Variants in LRP1B observed in about 807,000 individuals in gnomAD.
The protein encoded by LRP1B is low-density lipoprotein receptor-related protein 1B.
Under a neutral mutation model 556.6 loss-of-function variants are expected in LRP1B, and 217 were observed. The ratio of observed to expected loss-of-function variants is 0.39; its 90% CI spans 0.35 to 0.44. The LOEUF (loss-of-function observed/expected upper bound fraction) is 0.44, where lower values mean the gene tolerates loss of function less well. Among genes scored for constraint, LRP1B ranks in the 20% least tolerant of loss-of-function variants. LRP1B has a pLI of 1.00. For synonymous variants in LRP1B, 2,047 were observed against 1,865.8 expected (o/e 1.10, Z -2.50); for missense variants, 5,053 against 5,620.8 (o/e 0.90, Z 3.23).
intron 20 of LRP1B, among the ~76,000 whole-genome samples, chr2:140,933,574 G>A (rs1695117049): frequency 6.6e-6 from 1 of 151,952 alleles, no homozygotes; most frequent in South Asian, 2.1e-4. Context: ...ACAGGGTGAG[G>A]TTCTTCATTA....
At chr2:141,507,192 A>T (rs578047504) in intron 2 of LRP1B, among the ~76,000 whole-genome samples, 1 of 152,292 alleles carries the variant, frequency 6.6e-6, no homozygotes, top group South Asian at 2.1e-4. Flanking sequence ...TTTGAAAATA[A>T]GATAGGACTC....
chr2:141,980,575 A>G lies in LRP1B; in HGVS notation c.82+150073T>C, dbSNP rs566396658. Among the ~76,000 whole-genome samples the G allele has an allele frequency of 2.4e-3, 371 of 152,298 alleles. 2 individuals carry two copies. The highest frequency in any genetic ancestry group is 6.8e-3 in the Middle Eastern group (2 of 294). On this transcript the variant is annotated intron_variant, in intron 1 of 90. Coordinates refer to ENST00000389484, the MANE Select transcript of LRP1B (RefSeq NM_018557.3). ...TGGAAAGATGGTTGTAAAAATAATT[A>G]GAAAGCAAATGGGAATTATGAAATT... is the stretch of plus-strand genomic sequence containing the variant.
intron 3 of LRP1B, among the ~76,000 whole-genome samples, chr2:141,293,520 G>A (rs1005455634): frequency 6.6e-6 from 1 of 151,996 alleles, no homozygotes; most frequent in Non-Finnish European, 1.5e-5. Flanking sequence ...CAATGGCAAT[G>A]TATAGTTATC....
chr2:140,326,141 T>C (rs1422860096), intron 79 of LRP1B, among the ~76,000 whole-genome samples: 1 of 152,138 alleles, frequency 6.6e-6, no homozygotes, highest in Non-Finnish European at 1.5e-5. Flanking sequence ...GTCCTAAATA[T>C]CCCTTCTAGC....
At chr2:141,713,087 A>AT (rs397870971) in intron 2 of LRP1B, among the ~76,000 whole-genome samples, 27,807 of 142,544 alleles carry the variant, frequency 0.2, 2,757 homozygotes, top group South Asian at 0.26. Context: ...AAATAATTTC[A>AT]TTTTTTTTTT....
intron 5 of LRP1B, among the ~76,000 whole-genome samples, chr2:141,235,085 T>A (rs62172881): frequency 0.063 from 9,634 of 152,176 alleles, 408 homozygotes; most frequent in South Asian, 0.11. Context: ...TCACATTTTA[T>A]TATAGAAATA....
rs201990088 is a variant in LRP1B at position 141,947,822 on chromosome 2, A to AT, written c.83-137422_83-137421insA. 4.0e-3 allele frequency among the ~76,000 whole-genome samples: 477 copies of AT among 119,584 alleles called. 4 individuals are homozygous for AT. Among genetic ancestry groups the AT allele is most frequent in the Non-Finnish European group, 6.2e-3 (346 of 55,690 alleles). 78.5% of individuals were successfully genotyped at this position (119,584 alleles called of 152,430 possible). ...AATTTTTTTTTAAATATCAGAAAAA[A>AT]AAAACAACAATACTGAAAGGATGTT... On this transcript the variant is annotated intron_variant, in intron 1 of 90. Transcript: ENST00000389484.
At chr2:142,049,725 G>A (rs1360278720) in intron 1 of LRP1B, among the ~76,000 whole-genome samples, 1 of 152,098 alleles carries the variant, frequency 6.6e-6, no homozygotes, top group East Asian at 1.9e-4. Flanking sequence ...GTATTTGAAA[G>A]AGTGGCAGAT....
At chr2:141,474,862 G>C (rs1191261702) in intron 3 of LRP1B, among the ~76,000 whole-genome samples, 1 of 152,082 alleles carries the variant, frequency 6.6e-6, no homozygotes, top group African/African-American at 2.4e-5. Flanking sequence ...TCTCCAATCA[G>C]TTTTAGTAAA....
chr2:141,059,169 G>T, intron 8 of LRP1B, 115 bp from the exon 9 acceptor site: 2 of 631,330 alleles, frequency 3.2e-6, no homozygotes, highest in Non-Finnish European at 2.5e-6. Flanking sequence ...GAACCGCAAG[G>T]ATGTTATTTA....
chr2:140,396,184 G>T (rs1003662300), intron 66 of LRP1B, among the ~76,000 whole-genome samples: 4 of 152,134 alleles, frequency 2.6e-5, no homozygotes, highest in Non-Finnish European at 4.4e-5. Context: ...TACAGATTCT[G>T]GTAGAATATT....
intron 14 of LRP1B, among the ~76,000 whole-genome samples, chr2:141,011,071 C>CAGAGAGAGAGAGAGAGAG (rs143409764): frequency 9.8e-5 from 14 of 142,792 alleles, no homozygotes; most frequent in African/African-American, 2.6e-4. Flanking sequence ...TGTATTCTCT[C>CAGAGAGAGAGAGAGAGAG]AGAGAGAGAG....
intron 31 of LRP1B, among the ~76,000 whole-genome samples, chr2:140,818,062 T>C (rs1426301151): frequency 6.6e-5 from 10 of 152,174 alleles, no homozygotes; most frequent in Admixed American, 6.5e-4. Flanking sequence ...GTGTTAAACA[T>C]TGCATATTTT....
chr2:140,573,811 G>T (rs1367851574), intron 43 of LRP1B, among the ~76,000 whole-genome samples: 1 of 151,974 alleles, frequency 6.6e-6, no homozygotes, highest in East Asian at 1.9e-4. Context: ...TTCCACTCCT[G>T]TGATTTTTCA....
At chr2:142,082,706 A>C (rs1242267367) in intron 1 of LRP1B, among the ~76,000 whole-genome samples, 3 of 152,234 alleles carry the variant, frequency 2.0e-5, no homozygotes, top group African/African-American at 7.2e-5. Context: ...TATTAAACAG[A>C]ATAGTCAGGT....
chr2:140,801,748 C>T (rs750814585), intron 32 of LRP1B, among the ~76,000 whole-genome samples: 3 of 152,090 alleles, frequency 2.0e-5, no homozygotes, highest in Non-Finnish European at 4.4e-5. Flanking sequence ...TTCTGAGTAA[C>T]GCTCATTTAT....
chr2:141,784,210 A>G (rs1218170390), intron 2 of LRP1B, among the ~76,000 whole-genome samples: 3 of 151,994 alleles, frequency 2.0e-5, no homozygotes, highest in African/African-American at 4.8e-5. Flanking sequence ...TTTTTCCCCC[A>G]AAGTGGAAAT....
intron 27 of LRP1B, among the ~76,000 whole-genome samples, chr2:140,859,981 C>T (rs999157565): frequency 4.0e-5 from 6 of 151,724 alleles, no homozygotes; most frequent in African/African-American, 7.3e-5. Flanking sequence ...GGTGAAAGAG[C>T]GAGACTCCAT....
At chr2:141,354,874 G>A (rs1304363450) in intron 3 of LRP1B, among the ~76,000 whole-genome samples, 3 of 151,978 alleles carry the variant, frequency 2.0e-5, no homozygotes, top group Admixed American at 6.6e-5. Context: ...AAGCAGAAAT[G>A]TTTAATGAGA....
Sources: allele counts gnomAD v4.1 joint callset (sites outside exome capture counted in the v4.1 genomes callset), GRCh38; gene constraint gnomAD v4.1.1; transcripts MANE v1.5; gene names NCBI Gene and HGNC (gene_info 2026-07-23, HGNC 2026-07-21).